Variants in RUNX1 observed in about 807,000 individuals in gnomAD.
The protein encoded by RUNX1 is runt-related transcription factor 1.
In RUNX1, 19 loss-of-function variants were observed where a neutral mutation model predicts 42.8. The ratio of observed to expected loss-of-function variants is 0.44; its 90% confidence interval spans 0.31 to 0.65. The LOEUF is 0.65. Ranked by LOEUF, RUNX1 falls within the 30% of genes least tolerant of loss-of-function variation. The pLI is 0.07. For missense variants in RUNX1, 528 were observed against 672.0 expected (o/e 0.79, Z 2.37); for synonymous variants, 271 against 289.4 (o/e 0.94, Z 0.64).
At chr21:34,826,563 G>A (rs1020071014) in intron 7 of RUNX1, among the ~76,000 whole-genome samples, 7 of 147,016 alleles carry the variant, frequency 4.8e-5, no homozygotes, top group East Asian at 2.1e-4. Flanking sequence ...TCAGCCTCCC[G>A]GGTAACTAGG....
At chr21:34,957,495 G>C (rs1271741205) in intron 2 of RUNX1, among the ~76,000 whole-genome samples, 6 of 152,072 alleles carry the variant, frequency 3.9e-5, no homozygotes, top group Non-Finnish European at 8.8e-5. Flanking sequence ...TGGAATTCTG[G>C]GCAAGGGGTG....
At chr21:34,975,708 G>A (rs903043223) in intron 2 of RUNX1, among the ~76,000 whole-genome samples, 6 of 152,090 alleles carry the variant, frequency 3.9e-5, no homozygotes, top group African/African-American at 1.2e-4. Flanking sequence ...CTTCTAGCTA[G>A]GGAAGGAGGG....
chr21:34,918,290 C>T (rs2058327676), intron 2 of RUNX1, among the ~76,000 whole-genome samples: 1 of 152,024 alleles, frequency 6.6e-6, no homozygotes, highest in Non-Finnish European at 1.5e-5. Context: ...AATATTCTCA[C>T]CTTGAAAACC....
At chr21:34,864,562 C>G (rs188964077) in intron 5 of RUNX1, among the ~76,000 whole-genome samples, 1 of 152,310 alleles carries the variant, frequency 6.6e-6, no homozygotes, top group Admixed American at 6.5e-5. Context: ...ACAGATGGCC[C>G]CAGCACTGAT....
At chr21:35,040,954 A>T (rs2059354605) in intron 2 of RUNX1, among the ~76,000 whole-genome samples, 1 of 152,116 alleles carries the variant, frequency 6.6e-6, no homozygotes, top group Non-Finnish European at 1.5e-5. Flanking sequence ...ACTAACAATG[A>T]AAAACATATA....
chr21:34,902,743 G>A (rs2058187065), intron 2 of RUNX1, among the ~76,000 whole-genome samples: 1 of 152,176 alleles, frequency 6.6e-6, no homozygotes, highest in Non-Finnish European at 1.5e-5. Flanking sequence ...GAGCAAGTTA[G>A]TTACTTACCT....
intron 2 of RUNX1, among the ~76,000 whole-genome samples, chr21:34,933,860 A>G (rs1418523372): frequency 3.3e-5 from 5 of 152,208 alleles, no homozygotes; most frequent in African/African-American, 1.2e-4. Flanking sequence ...ATCACAGACC[A>G]AAGAATTCCC....
intron 2 of RUNX1, among the ~76,000 whole-genome samples, chr21:34,992,351 G>A (rs1601645263): frequency 1.3e-5 from 2 of 152,192 alleles, no homozygotes; most frequent in South Asian, 4.1e-4. Flanking sequence ...GCTGGAGCAC[G>A]AGCCAGGAGC....
chr21:34,892,832 A>G, intron 3 of RUNX1, 93 bp downstream of exon 3: 1 of 769,966 alleles, frequency 1.3e-6, no homozygotes, highest in South Asian at 1.6e-5. Context: ...ATTATATCAC[A>G]AGTTATACAT....
At chr21:34,949,198 G>A (rs947078751) in intron 2 of RUNX1, among the ~76,000 whole-genome samples, 4 of 152,188 alleles carry the variant, frequency 2.6e-5, no homozygotes, top group Admixed American at 2.0e-4. Context: ...CCTAAAAGTG[G>A]GGGAAATGAG....
chr21:34,952,289 G>T (rs1467619942), intron 2 of RUNX1, among the ~76,000 whole-genome samples: 2 of 152,228 alleles, frequency 1.3e-5, no homozygotes, highest in East Asian at 3.9e-4. Context: ...TAGGTAATGG[G>T]TTGATGGGTG....
chr21:34,855,070 G>A (rs1034078631), intron 6 of RUNX1, among the ~76,000 whole-genome samples: 2 of 152,060 alleles, frequency 1.3e-5, no homozygotes, highest in Non-Finnish European at 2.9e-5. Context: ...TGGCCAATAC[G>A]TTAATTAACC....
intron 2 of RUNX1, among the ~76,000 whole-genome samples, chr21:35,008,981 T>C (rs970925159): frequency 2.0e-5 from 3 of 151,858 alleles, no homozygotes; most frequent in Admixed American, 6.6e-5. Flanking sequence ...AATGGAGAGG[T>C]TGATGCTTGG....
rs150787169 is a variant in RUNX1 at position 34,832,524 on chromosome 21, C to T, written c.805+1886G>A. On this transcript the variant is annotated intron_variant, in intron 7 of 8. Coordinates refer to ENST00000675419, the MANE Select transcript of RUNX1 (RefSeq NM_001754.5). ...GTAGTATAAATGGCCAGTTAGGCAA[C>T]GAGAGACTAAGAAAACAGTCTTCCT... 5.4e-3 allele frequency among the ~76,000 whole-genome samples: 828 copies of T among 152,140 alleles called. 6 individuals are homozygous for T. Among genetic ancestry groups the T allele is most frequent in the African/African-American group, 0.011 (450 of 41,504 alleles).
At chr21:34,840,462 T>C (rs1569042905) in intron 6 of RUNX1, among the ~76,000 whole-genome samples, 1 of 152,192 alleles carries the variant, frequency 6.6e-6, no homozygotes, top group African/African-American at 2.4e-5. Context: ...ATTAAGAGAC[T>C]AAGAAGGATT....
At chr21:34,910,068 C>T (rs2058259991) in intron 2 of RUNX1, among the ~76,000 whole-genome samples, 1 of 152,232 alleles carries the variant, frequency 6.6e-6, no homozygotes, top group Non-Finnish European at 1.5e-5. Context: ...TAGTTTTAAA[C>T]AAATCAAGAT....
rs568854027 is a variant in RUNX1, at chr21:34,804,891, G to A, written c.806-5429C>T. Among the ~76,000 whole-genome samples the A allele has an allele frequency of 4.6e-5, 7 of 152,098 alleles. No individual in the cohort carries two copies. In the East Asian group the frequency reaches 1.4e-3, roughly 29 times the overall value. On this transcript the variant is annotated intron_variant, in intron 7 of 8. Transcript: ENST00000675419. ...CGAGTAGCTGGGATTACAGGCACCT[G>A]CCACCACGCCCAGCTATTTTTTCTT...
chr21:34,848,264 G>A (rs1246234883), intron 6 of RUNX1, among the ~76,000 whole-genome samples: 2 of 152,182 alleles, frequency 1.3e-5, no homozygotes, highest in Non-Finnish European at 1.5e-5. Context: ...CTGGAGCTTC[G>A]CCATCAGCCA....
intron 2 of RUNX1, among the ~76,000 whole-genome samples, chr21:35,040,605 C>G (rs1165525781): frequency 2.6e-5 from 4 of 151,582 alleles, no homozygotes. Context: ...AAACCTGTCT[C>G]TACTAAAAAT....
Sources: allele counts gnomAD v4.1 joint callset (sites outside exome capture counted in the v4.1 genomes callset), GRCh38; gene constraint gnomAD v4.1.1; transcripts MANE v1.5; gene names NCBI Gene and HGNC (gene_info 2026-07-23, HGNC 2026-07-21).